TTC28: variants seen among roughly 807,000 people sequenced by gnomAD.
TTC28 encodes tetratricopeptide repeat domain 28, also known as tetratricopeptide repeat protein 28.
Under a neutral mutation model 198.0 loss-of-function variants are expected in TTC28, and 61 were observed. The ratio of observed to expected loss-of-function variants is 0.31; its 90% CI spans 0.25 to 0.38. The LOEUF is 0.38. Ranked by LOEUF, TTC28 falls within the 10% of genes least tolerant of loss-of-function variation. The pLI is 1.00. For missense variants in TTC28, 2,678 were observed against 3,164.0 expected (o/e 0.85, Z 3.69); for synonymous variants, 1,171 against 1,297.8 (o/e 0.90, Z 2.10).
intron 6 of TTC28, among the ~76,000 whole-genome samples, chr22:28,127,408 C>G (rs548983309): frequency 1.2e-4 from 18 of 152,266 alleles, no homozygotes; most frequent in African/African-American, 3.6e-4. Context: ...GTAGCAACAA[C>G]CAACCAACCT....
intron 5 of TTC28, among the ~76,000 whole-genome samples, chr22:28,167,694 G>A (rs1031066571): frequency 3.9e-5 from 6 of 152,066 alleles, no homozygotes; most frequent in African/African-American, 7.2e-5. Context: ...GCTATCTATG[G>A]CAAACCCACA....
At chr22:28,397,877 C>T (rs1466118077) in intron 2 of TTC28, among the ~76,000 whole-genome samples, 4 of 152,190 alleles carry the variant, frequency 2.6e-5, no homozygotes, top group Non-Finnish European at 4.4e-5. Context: ...CTTCAACACT[C>T]CAGAGGGCTT....
At position 28,564,118 on chromosome 22, in the gene TTC28, G is replaced by C. The variant is rs533153412; in HGVS notation, c.381+65434C>G. 3.3e-5 allele frequency among the ~76,000 whole-genome samples: 5 copies of C among 152,182 alleles called. No homozygotes were observed. In the South Asian group the frequency reaches 1.0e-3, roughly 32 times the overall value. ...ACAGAATGTAGATTGGTGGTTGCCA[G>C]GGGCTGATGGAAGAGGAAATGGGGA... On this transcript the variant is annotated intron_variant, in intron 2 of 22. Transcript: ENST00000397906.
intron 2 of TTC28, among the ~76,000 whole-genome samples, chr22:28,622,781 AG>A (rs2051020608): frequency 6.6e-6 from 1 of 152,176 alleles, no homozygotes; most frequent in African/African-American, 2.4e-5. Flanking sequence ...TAATGCAAAG[AG>A]TAAGTAGAAG....
chr22:28,624,816 CTT>C (rs1228745429), intron 2 of TTC28, among the ~76,000 whole-genome samples: 2 of 152,086 alleles, frequency 1.3e-5, no homozygotes, highest in Admixed American at 1.3e-4. Context: ...CAGTATCTCT[CTT>C]AAACATAGAT....
At chr22:28,129,539 A>T (rs1007757134) in intron 6 of TTC28, among the ~76,000 whole-genome samples, 1 of 152,160 alleles carries the variant, frequency 6.6e-6, no homozygotes, top group Non-Finnish European at 1.5e-5. Context: ...CAAGTTACTT[A>T]CCCTCTTGAA....
intron 6 of TTC28, among the ~76,000 whole-genome samples, chr22:28,119,847 C>T (rs1315654205): frequency 6.6e-6 from 1 of 152,164 alleles, no homozygotes; most frequent in Non-Finnish European, 1.5e-5. Context: ...TAAAATAAAT[C>T]ATCAAAGCTA....
At chr22:28,581,795 T>C (rs1282036929) in intron 2 of TTC28, among the ~76,000 whole-genome samples, 2 of 152,226 alleles carry the variant, frequency 1.3e-5, no homozygotes, top group African/African-American at 2.4e-5. Context: ...ATATGGCTTT[T>C]TTCATATGTA....
chr22:28,233,102 C>T (rs1434758507), intron 5 of TTC28, among the ~76,000 whole-genome samples: 2 of 141,016 alleles, frequency 1.4e-5, no homozygotes, highest in South Asian at 2.2e-4. Flanking sequence ...AACTCTGTCT[C>T]AAAAAAAAAA....
At chr22:28,596,271 G>T (rs1012892567) in intron 2 of TTC28, among the ~76,000 whole-genome samples, 1 of 151,972 alleles carries the variant, frequency 6.6e-6, no homozygotes, top group African/African-American at 2.4e-5. Context: ...GGAATGGGGG[G>T]AAAAAAAGAC....
At chr22:28,654,857 C>T (rs1272566484) in intron 1 of TTC28, among the ~76,000 whole-genome samples, 1 of 152,126 alleles carries the variant, frequency 6.6e-6, no homozygotes, top group Non-Finnish European at 1.5e-5. Context: ...TTTTAGGATG[C>T]TCTCTACTTA....
intron 2 of TTC28, among the ~76,000 whole-genome samples, chr22:28,565,794 A>G (rs2049958585): frequency 6.6e-6 from 1 of 152,200 alleles, no homozygotes; most frequent in Non-Finnish European, 1.5e-5. Context: ...CCCTTAATGG[A>G]AAATATTTTT....
chr22:28,146,667 T>C (rs559276412), intron 6 of TTC28, among the ~76,000 whole-genome samples: 3 of 152,354 alleles, frequency 2.0e-5, no homozygotes, highest in Admixed American at 1.3e-4. Context: ...GGCCATGTTA[T>C]AAGCTGTCTT....
chr22:28,352,120 A>G (rs1174581993), intron 2 of TTC28, among the ~76,000 whole-genome samples: 1 of 152,182 alleles, frequency 6.6e-6, no homozygotes, highest in African/African-American at 2.4e-5. Flanking sequence ...ATTAAGCAAT[A>G]ATAAAGTTTA....
Position 28,537,317 on chromosome 22 carries a change from A to C in TTC28, c.381+92235T>G, listed in dbSNP as rs181025540. Among the ~76,000 whole-genome samples the C allele has an allele frequency of 7.7e-4, 112 of 146,190 alleles. 6 individuals are homozygous for C. The East Asian group carries it at 0.019, about 25-fold the overall frequency. ...CAAAAATAAAATAAAATAAAATAAA[A>C]TAAAATAAAATAAAATAAAATAAAA... is the stretch of plus-strand genomic sequence containing the variant. On this transcript the variant is annotated intron_variant, in intron 2 of 22. Transcript: ENST00000397906.
chr22:28,237,850 A>C (rs1159017247), intron 5 of TTC28, among the ~76,000 whole-genome samples: 1 of 152,074 alleles, frequency 6.6e-6, no homozygotes, highest in Non-Finnish European at 1.5e-5. Flanking sequence ...CTTCACCTCT[A>C]TTTTTGAAGC....
intron 2 of TTC28, among the ~76,000 whole-genome samples, chr22:28,497,151 A>T (rs750628015): frequency 6.6e-6 from 1 of 152,170 alleles, no homozygotes; most frequent in Non-Finnish European, 1.5e-5. Context: ...CATCTAATAT[A>T]TTAAGTATTT....
intron 2 of TTC28, among the ~76,000 whole-genome samples, chr22:28,330,284 A>G (rs2045594503): frequency 6.6e-6 from 1 of 152,196 alleles, no homozygotes; most frequent in African/African-American, 2.4e-5. Flanking sequence ...GAAAACAAGC[A>G]CAACCACGAA....
chr22:28,412,426 T>C (rs2047096148), intron 2 of TTC28, among the ~76,000 whole-genome samples: 1 of 152,144 alleles, frequency 6.6e-6, no homozygotes, highest in South Asian at 2.1e-4. Context: ...AAATGTCTAT[T>C]GAATGTGTGC....
Sources: gnomAD v4.1 joint callset for allele counts (sites outside exome capture counted in the v4.1 genomes callset) on GRCh38, gnomAD v4.1.1 for gene constraint, MANE v1.5 for transcripts, NCBI Gene and HGNC (gene_info 2026-07-23, HGNC 2026-07-21) for gene names.